The following ATG7 variants were observed in gnomAD, a reference collection of about 807,000 sequenced individuals.
ATG7 encodes autophagy related 7.
In ATG7, 70 loss-of-function variants were observed where a neutral mutation model predicts 82.4. That is an observed-to-expected ratio of 0.85 (90% confidence interval 0.70 to 1.04). The LOEUF (loss-of-function observed/expected upper bound fraction) is 1.04. Among genes scored for constraint, ATG7 ranks in the 50% least tolerant of loss-of-function variants. The pLI is 0.00. For synonymous variants in ATG7, 287 were observed against 313.0 expected, an observed-to-expected ratio of 0.92 and a Z score of 0.88; for missense variants, 792 against 864.3, an observed-to-expected ratio of 0.92 and a Z score of 1.05.
intron 20 of ATG7, among the ~76,000 whole-genome samples, chr3:11,535,786 C>T (rs2070232542): frequency 6.6e-6 from 1 of 152,184 alleles, no homozygotes; most frequent in African/African-American, 2.4e-5. Flanking sequence ...TCCCAAGAGC[C>T]CTCTGGGGCA....
chr3:11,523,241 C>T (rs1418997559), intron 20 of ATG7, among the ~76,000 whole-genome samples: 2 of 152,112 alleles, frequency 1.3e-5, no homozygotes. Flanking sequence ...CATTTCTTCT[C>T]TTTCTTGGGC....
the ATG7 span, chr3:11,564,809 C>A: frequency 6.4e-7 from 1 of 1,565,748 alleles, no homozygotes; most frequent in Non-Finnish European, 8.6e-7. Flanking sequence ...GCTGCCGCTC[C>A]CCCGGGGTCA....
intron 1 of ATG7, among the ~76,000 whole-genome samples, chr3:11,280,570 C>T (rs1453285477): frequency 1.3e-5 from 2 of 152,176 alleles, no homozygotes; most frequent in Non-Finnish European, 2.9e-5. Context: ...AGATTTACCT[C>T]TATGAAATTT....
At chr3:11,450,828 CT>C (rs2085048552) in intron 20 of ATG7, among the ~76,000 whole-genome samples, 1 of 152,228 alleles carries the variant, frequency 6.6e-6, no homozygotes, top group South Asian at 2.1e-4. Flanking sequence ...TCCCTTGTCA[CT>C]TTGCCTGAAA....
chr3:11,295,788 CTTTT>C (rs751389083), intron 3 of ATG7, among the ~76,000 whole-genome samples: 8 of 93,854 alleles, frequency 8.5e-5, no homozygotes, highest in South Asian at 2.9e-4. Flanking sequence ...TTCTTTCTTT[CTTTT>C]TTTTTTTTTT....
chr3:11,506,733 CTCTG>C (rs1213751703), intron 20 of ATG7, among the ~76,000 whole-genome samples: 4 of 151,886 alleles, frequency 2.6e-5, no homozygotes, highest in African/African-American at 9.7e-5. Context: ...CAGAGCGAGA[CTCTG>C]TCTGAAAACA....
At chr3:11,573,309 AAGG>A in the ATG7 span, among the ~76,000 whole-genome samples, 8 of 11,636 alleles carry the variant, frequency 6.9e-4, 1 homozygote, top group Non-Finnish European at 1.2e-3. Flanking sequence ...GAAAGAAAGG[AAGG>A]AAGGAAGAAA....
intron 19 of ATG7, among the ~76,000 whole-genome samples, chr3:11,402,387 T>A (rs1381318230): frequency 6.6e-6 from 1 of 152,110 alleles, no homozygotes; most frequent in Non-Finnish European, 1.5e-5. Flanking sequence ...GAGCCAAGAT[T>A]GTGCCATTGC....
chr3:11,374,600 T>C (rs577635239), intron 18 of ATG7, among the ~76,000 whole-genome samples: 2 of 152,226 alleles, frequency 1.3e-5, no homozygotes, highest in Admixed American at 1.3e-4. Context: ...AAATAAACTG[T>C]TGTGCTTCAA....
chr3:11,559,485 A>G, downstream of ATG7: 2 of 1,529,640 alleles, frequency 1.3e-6, no homozygotes, highest in Non-Finnish European at 1.8e-6. Flanking sequence ...CAGTATGTGG[A>G]GACCAGCTTC....
At chr3:11,310,039 G>T (rs2152713553) in intron 7 of ATG7, among the ~76,000 whole-genome samples, 1 of 152,096 alleles carries the variant, frequency 6.6e-6, no homozygotes, top group African/African-American at 2.4e-5. Flanking sequence ...GGTGGCGCCT[G>T]CCTGTGGTTC....
rs138222127 is a variant in ATG7 at position 11,548,597 on chromosome 3, C to T, written c.2080-6214C>T. ...TGTTTATATTTGCAAAATTAAAAAC[C>T]TTTTTTTCTTAAACAAAGGTGGTAT... On this transcript the variant is annotated intron_variant, in intron 20 of 20. Coordinates refer to ENST00000693202, the MANE Select transcript of ATG7 (RefSeq NM_001349232.2). Among the ~76,000 whole-genome samples the T allele has an allele frequency of 4.7e-4, 71 of 152,186 alleles. No individual in the cohort carries two copies. The East Asian group carries it at 0.013, about 27-fold the overall frequency.
chr3:11,543,604 TAGG>T (rs1230932574), intron 20 of ATG7, among the ~76,000 whole-genome samples: 6 of 152,038 alleles, frequency 3.9e-5, no homozygotes. Flanking sequence ...GGTGGTGTGT[TAGG>T]AGGAGCACAA....
chr3:11,439,069 C>CTTTTTT (rs67206280), intron 20 of ATG7, among the ~76,000 whole-genome samples: 30 of 121,954 alleles, frequency 2.5e-4, no homozygotes, highest in East Asian at 1.1e-3. Context: ...TTCTTTCTTT[C>CTTTTTT]TTTTTTTTTT....
chr3:11,473,459 T>C lies in ATG7; in HGVS notation c.2079+46533T>C, dbSNP rs566190684. Among the ~76,000 whole-genome samples the C allele has an allele frequency of 2.0e-5, 3 of 152,338 alleles. No individual in the cohort carries two copies. In the East Asian group the frequency reaches 5.8e-4, roughly 29 times the overall value. ...GTGGAAAGTAAGGCTAAAGGGAGGATAAATAATTTGCCAAATGTTTTAGAA... is the reference window on the plus strand; with the variant it reads ...GTGGAAAGTAAGGCTAAAGGGAGGACAAATAATTTGCCAAATGTTTTAGAA... On this transcript the variant is annotated intron_variant, in intron 20 of 20. Coordinates refer to ENST00000693202, the MANE Select transcript of ATG7 (RefSeq NM_001349232.2).
intron 19 of ATG7, among the ~76,000 whole-genome samples, chr3:11,395,912 C>CA (rs2079188813): frequency 7.7e-6 from 1 of 130,154 alleles, no homozygotes; most frequent in Admixed American, 9.6e-5. Context: ...TATACTCCAG[C>CA]CTGGGCGACA....
intron 19 of ATG7, among the ~76,000 whole-genome samples, chr3:11,389,958 T>A (rs1235503954): frequency 6.6e-6 from 1 of 152,250 alleles, no homozygotes; most frequent in Non-Finnish European, 1.5e-5. Flanking sequence ...TGGATTTCTC[T>A]TAGTTCTCAG....
intron 20 of ATG7, among the ~76,000 whole-genome samples, chr3:11,466,936 CCTGA>C (rs1321393994): frequency 6.6e-6 from 1 of 152,142 alleles, no homozygotes; most frequent in Non-Finnish European, 1.5e-5. Flanking sequence ...TTGAGATCAG[CCTGA>C]CTAACATGGT....
chr3:11,473,562 T>G (rs991683945), intron 20 of ATG7, among the ~76,000 whole-genome samples: 4 of 152,138 alleles, frequency 2.6e-5, no homozygotes, highest in African/African-American at 9.7e-5. Context: ...GCTAGAAGCT[T>G]TAAGATACTG....
Sources: allele counts gnomAD v4.1 joint callset (sites outside exome capture counted in the v4.1 genomes callset), GRCh38; gene constraint gnomAD v4.1.1; transcripts MANE v1.5; gene names NCBI Gene and HGNC (gene_info 2026-07-23, HGNC 2026-07-21).